SDCCAG8: variants seen among roughly 807,000 people sequenced by gnomAD.
SDCCAG8 encodes SHH signaling and ciliogenesis regulator SDCCAG8.
Under a neutral mutation model 101.8 loss-of-function variants are expected in SDCCAG8, and 74 were observed. The observed-to-expected ratio is 0.73, with a 90% CI of 0.60 to 0.88. SDCCAG8 has a LOEUF of 0.88. Ranked by LOEUF, SDCCAG8 falls within the 40% of genes least tolerant of loss-of-function variation. The pLI is 0.00. For missense variants in SDCCAG8, 787 were observed against 822.6 expected (o/e 0.96, Z 0.53); for synonymous variants, 281 against 292.9 (o/e 0.96, Z 0.41).
intron 13 of SDCCAG8, among the ~76,000 whole-genome samples, chr1:243,388,587 G>A (rs1341856983): frequency 6.6e-6 from 1 of 151,764 alleles, no homozygotes; most frequent in Non-Finnish European, 1.5e-5. Flanking sequence ...CTGGTCAGGT[G>A]CCATGGCTCA....
intron 5 of SDCCAG8, 140 bp from the exon 6 acceptor site, chr1:243,292,951 G>A: frequency 1.6e-5 from 16 of 1,015,148 alleles, no homozygotes; most frequent in Non-Finnish European, 2.3e-5. Flanking sequence ...GCCTGAAAAT[G>A]TGAAGTGATT....
intron 9 of SDCCAG8, among the ~76,000 whole-genome samples, chr1:243,321,659 T>C (rs1014550435): frequency 6.7e-6 from 1 of 150,238 alleles, no homozygotes; most frequent in African/African-American, 2.5e-5. Context: ...ATTCCATGTC[T>C]TTTTTTTTGA....
At chr1:243,454,834 C>G (rs2083619829) in intron 16 of SDCCAG8, among the ~76,000 whole-genome samples, 1 of 152,078 alleles carries the variant, frequency 6.6e-6, no homozygotes, top group Non-Finnish European at 1.5e-5. Flanking sequence ...ACAGATGCAC[C>G]CTCCACTGTG....
chr1:243,394,832 C>T (rs2078938542), intron 13 of SDCCAG8, among the ~76,000 whole-genome samples: 1 of 151,120 alleles, frequency 6.6e-6, no homozygotes, highest in African/African-American at 2.4e-5. Flanking sequence ...GGCAACATTG[C>T]TTCAATGCCT....
intron 6 of SDCCAG8, among the ~76,000 whole-genome samples, chr1:243,303,301 A>G (rs936983538): frequency 1.3e-5 from 2 of 152,238 alleles, no homozygotes; most frequent in African/African-American, 4.8e-5. Context: ...ACCCTTCTAT[A>G]ATATAGGCAC....
chr1:243,418,009 T>C lies in SDCCAG8; in HGVS notation c.1786T>C (p.Leu596=). ...GTTGCTGACCTCCCAGAATACATTT[T>C]TGACAAAGTTAAAGGAAGAATGCTG... ...YLLLTSQNTF[L]TKLKEECCTL... The change falls in exon 15 of 18, where the codon TTG becomes CTG. Residue 596 remains leucine, a synonymous_variant. Transcript: ENST00000366541. 6.2e-7 allele frequency: 1 copy of C among 1,613,140 alleles called. No individual in the cohort carries two copies.
intron 4 of SDCCAG8, among the ~76,000 whole-genome samples, chr1:243,275,639 G>C (rs563336758): frequency 1.8e-4 from 27 of 152,194 alleles, no homozygotes; most frequent in African/African-American, 6.3e-4. Flanking sequence ...TCCCTAAGAT[G>C]TTGTGGATAA....
At chr1:243,350,220 T>G (rs1389096751) in intron 12 of SDCCAG8, among the ~76,000 whole-genome samples, 1 of 152,120 alleles carries the variant, frequency 6.6e-6, no homozygotes, top group South Asian at 2.1e-4. Context: ...TCTTTCTTTT[T>G]TTTTTTGAGA....
At position 243,474,225 on chromosome 1, in the gene SDCCAG8, A is replaced by T. The variant is rs1661877226; in HGVS notation, c.1986-14789A>T. Among the ~76,000 whole-genome samples, 1 of 152,188 alleles carries T rather than the reference A, an allele frequency of 6.6e-6. No individual in the cohort carries two copies. Among genetic ancestry groups the T allele is most frequent in the South Asian group, 2.1e-4 (1 of 4,836 alleles). ...TCAACCTTTTTACTCATTGCCTCTC[A>T]GGGGAAAGAACTTGGGACGTGAGCA... On this transcript the variant is annotated intron_variant, in intron 16 of 17. Coordinates refer to ENST00000366541, the MANE Select transcript of SDCCAG8 (RefSeq NM_006642.5). The surrounding 1 kb of genome is among the most constrained non-coding windows in gnomAD (Gnocchi z 4.7).
chr1:243,469,828 T>TG (rs754424684), intron 16 of SDCCAG8, among the ~76,000 whole-genome samples: 16 of 145,906 alleles, frequency 1.1e-4, no homozygotes, highest in Admixed American at 3.4e-4. Context: ...GCGAAAGTGT[T>TG]GGTTTTTTTT....
At chr1:243,403,057 C>T (rs373201596) in intron 13 of SDCCAG8, among the ~76,000 whole-genome samples, 8 of 152,156 alleles carry the variant, frequency 5.3e-5, no homozygotes, top group African/African-American at 1.7e-4. Flanking sequence ...AACTAGATGC[C>T]GATCTGTTAA....
At chr1:243,410,087 C>G (rs10803140) in intron 13 of SDCCAG8, among the ~76,000 whole-genome samples, 72,657 of 151,984 alleles carry the variant, frequency 0.48, 18,657 homozygotes, top group East Asian at 0.78. Flanking sequence ...GCTCACCTAA[C>G]TGCTGTTTTG....
intron 1 of SDCCAG8, among the ~76,000 whole-genome samples, chr1:243,260,004 C>A (rs912452176): frequency 6.6e-6 from 1 of 152,156 alleles, no homozygotes; most frequent in Non-Finnish European, 1.5e-5. Flanking sequence ...TGGAGCAGCT[C>A]CACATTCACC....
At chr1:243,479,078 T>A (rs560697359) in intron 16 of SDCCAG8, among the ~76,000 whole-genome samples, 3 of 152,064 alleles carry the variant, frequency 2.0e-5, no homozygotes, top group African/African-American at 7.3e-5. Flanking sequence ...GTTCACGAGA[T>A]GGAATTATGT....
At chr1:243,417,919 C>T (rs762747487) in intron 14 of SDCCAG8, 49 bp from the exon 15 acceptor site, 3 of 1,361,550 alleles carry the variant, frequency 2.2e-6, no homozygotes, top group Admixed American at 3.4e-5. Flanking sequence ...CACTGCAGAG[C>T]GACAACCATA....
chr1:243,367,071 G>T (rs561092923), intron 12 of SDCCAG8, among the ~76,000 whole-genome samples: 1 of 151,960 alleles, frequency 6.6e-6, no homozygotes, highest in East Asian at 1.9e-4. Context: ...ATTTTTCTCA[G>T]TTGGCAAAAA....
intron 4 of SDCCAG8, among the ~76,000 whole-genome samples, chr1:243,285,064 G>C (rs906316332): frequency 2.0e-5 from 3 of 152,064 alleles, no homozygotes; most frequent in African/African-American, 7.2e-5. Flanking sequence ...TGTATTTTTA[G>C]TAGAGATGGG....
intron 16 of SDCCAG8, among the ~76,000 whole-genome samples, chr1:243,427,312 C>G (rs1196281968): frequency 6.6e-6 from 1 of 152,048 alleles, no homozygotes; most frequent in African/African-American, 2.4e-5. Context: ...AAATCCTTTT[C>G]TTTTTGTGCA....
At chr1:243,287,727 A>C (rs2069769526) in intron 5 of SDCCAG8, among the ~76,000 whole-genome samples, 1 of 152,184 alleles carries the variant, frequency 6.6e-6, no homozygotes, top group Non-Finnish European at 1.5e-5. Context: ...TTATTTTAAA[A>C]ATATTCATTT....
Sources: allele counts gnomAD v4.1 joint callset (sites outside exome capture counted in the v4.1 genomes callset), GRCh38; gene constraint gnomAD v4.1.1; non-coding constraint Gnocchi (gnomAD v3.1); transcripts MANE v1.5; gene names NCBI Gene and HGNC (gene_info 2026-07-23, HGNC 2026-07-21).